The following PRKCE variants were observed in gnomAD, a reference collection of about 807,000 sequenced individuals.
The protein encoded by PRKCE is protein kinase C epsilon.
Under a neutral mutation model 85.4 loss-of-function variants are expected in PRKCE, and 16 were observed. The ratio of observed to expected loss-of-function variants is 0.19; its 90% CI spans 0.13 to 0.28. PRKCE has a LOEUF of 0.28. PRKCE is among the 10% of genes least tolerant of loss of function. PRKCE has a pLI of 1.00. For missense variants in PRKCE, 573 were observed against 975.2 expected, an observed-to-expected ratio of 0.59 and a Z score of 5.49; for synonymous variants, 388 against 371.5, an observed-to-expected ratio of 1.04 and a Z score of -0.51.
At chr2:46,043,319 G>A (rs530246158) in intron 10 of PRKCE, among the ~76,000 whole-genome samples, 7 of 152,146 alleles carry the variant, frequency 4.6e-5, no homozygotes, top group South Asian at 4.1e-4. Flanking sequence ...CTCAGAGCTC[G>A]TTTGGACTTC....
chr2:46,018,469 C>CA (rs959015502), intron 10 of PRKCE, among the ~76,000 whole-genome samples: 37 of 150,098 alleles, frequency 2.5e-4, no homozygotes, highest in African/African-American at 7.6e-4. Flanking sequence ...AACTCCATCT[C>CA]AAAAAAAAAA....
Position 46,010,477 on chromosome 2 carries a change from AC to A in PRKCE, c.1400del (p.Pro467ArgfsTer23). 6.3e-7 allele frequency: 1 copy of A among 1,599,644 alleles called. No homozygotes were observed. The highest frequency in any genetic ancestry group is 8.5e-7 in the Non-Finnish European group (1 of 1,179,928). On this transcript the variant is annotated frameshift_variant, in exon 10 of 15. Coordinates refer to ENST00000306156, the MANE Select transcript of PRKCE (RefSeq NM_005400.3). LOFTEE classifies it high-confidence loss of function. ...EKRILALARK[H>X]PYLTQLYCCF... ...AGGATTTTGGCTCTGGCACGGAAACACCCGTACCTTACCCAACTCTACTGCT... is the reference window on the plus strand; with the variant it reads ...AGGATTTTGGCTCTGGCACGGAAACACCGTACCTTACCCAACTCTACTGCT...
intron 10 of PRKCE, among the ~76,000 whole-genome samples, chr2:46,062,508 A>C (rs1276696455): frequency 6.6e-6 from 1 of 152,098 alleles, no homozygotes; most frequent in Non-Finnish European, 1.5e-5. Flanking sequence ...ACAAACTATG[A>C]AGACTAATAG....
At chr2:46,109,626 A>G (rs561730338) in intron 11 of PRKCE, among the ~76,000 whole-genome samples, 10 of 152,296 alleles carry the variant, frequency 6.6e-5, no homozygotes, top group African/African-American at 2.4e-4. Flanking sequence ...TTTTCTACAT[A>G]GACAATTATG....
intron 1 of PRKCE, chr2:45,700,511 A>G (rs1678546066): frequency 6.6e-6 from 1 of 152,094 alleles, no homozygotes; most frequent in Non-Finnish European, 1.5e-5. Context: ...CGGCACTGTC[A>G]TTCTTTGATG....
intron 10 of PRKCE, among the ~76,000 whole-genome samples, chr2:46,042,295 C>A (rs940357869): frequency 1.3e-5 from 2 of 152,210 alleles, no homozygotes; most frequent in African/African-American, 2.4e-5. Context: ...TTTCCCCCAG[C>A]GTCCTAGTCT....
At chr2:46,100,682 A>G (rs1422698252) in intron 11 of PRKCE, among the ~76,000 whole-genome samples, 1 of 152,266 alleles carries the variant, frequency 6.6e-6, no homozygotes, top group Non-Finnish European at 1.5e-5. Context: ...TAAGAAAAAT[A>G]TCTGTTGTTT....
intron 1 of PRKCE, among the ~76,000 whole-genome samples, chr2:45,829,408 G>T (rs1354284491): frequency 6.6e-6 from 1 of 152,120 alleles, no homozygotes; most frequent in Non-Finnish European, 1.5e-5. Flanking sequence ...TGGGGTTTTT[G>T]TTTGGGTTTG....
intron 10 of PRKCE, among the ~76,000 whole-genome samples, chr2:46,026,104 C>G (rs1485943498): frequency 6.6e-6 from 1 of 152,218 alleles, no homozygotes; most frequent in Non-Finnish European, 1.5e-5. Flanking sequence ...ATTTTCAAAT[C>G]TTGAAGACAC....
chr2:45,796,200 G>T (rs545915171), intron 1 of PRKCE, among the ~76,000 whole-genome samples: 1 of 152,122 alleles, frequency 6.6e-6, no homozygotes, highest in Non-Finnish European at 1.5e-5. Flanking sequence ...CTTATTCTAG[G>T]CTGACAAAAT....
intron 1 of PRKCE, among the ~76,000 whole-genome samples, chr2:45,681,307 AAAAAAAAAAAAG>A (rs1260380560): frequency 6.6e-6 from 1 of 150,622 alleles, no homozygotes; most frequent in Non-Finnish European, 1.5e-5. Context: ...AAAAAAAAAA[AAAAAAAAAAAAG>A]GCATAGCATT....
At chr2:45,804,595 C>T (rs370413446) in intron 1 of PRKCE, among the ~76,000 whole-genome samples, 58 of 152,328 alleles carry the variant, frequency 3.8e-4, no homozygotes, top group African/African-American at 1.3e-3. Flanking sequence ...AGAAAGCACT[C>T]TGCTGCCTGG....
rs1386030673 is a variant in PRKCE at position 45,677,404 on chromosome 2, C to T, written c.348+24956C>T. Among the ~76,000 whole-genome samples, 10 of 141,976 alleles carry T rather than the reference C, an allele frequency of 7.0e-5. No individual in the cohort carries two copies. In the Admixed American group the frequency reaches 7.6e-4, roughly 11 times the overall value. 93.1% of individuals were successfully genotyped at this position (141,976 alleles called of 152,430 possible). ...TCGCTCTGTCGCCCAGGCCGGACTGCGGACTGCAGTGGCGCAATCTCAGCT... is the reference window on the plus strand; with the variant it reads ...TCGCTCTGTCGCCCAGGCCGGACTGTGGACTGCAGTGGCGCAATCTCAGCT... On this transcript the variant is annotated intron_variant, in intron 1 of 14. Coordinates refer to ENST00000306156, the MANE Select transcript of PRKCE (RefSeq NM_005400.3).
intron 1 of PRKCE, among the ~76,000 whole-genome samples, chr2:45,709,950 C>T (rs1484000838): frequency 1.3e-5 from 2 of 152,212 alleles, no homozygotes. Context: ...GCTGGGATTA[C>T]AGGCACATGC....
chr2:46,107,064 C>T (rs147647434), intron 11 of PRKCE, among the ~76,000 whole-genome samples: 1 of 152,298 alleles, frequency 6.6e-6, no homozygotes, highest in African/African-American at 2.4e-5. Context: ...TGGGTTTTAA[C>T]AAATGCATAG....
At chr2:46,128,294 G>A (rs369231750) in intron 11 of PRKCE, among the ~76,000 whole-genome samples, 2 of 152,172 alleles carry the variant, frequency 1.3e-5, no homozygotes, top group East Asian at 1.9e-4. Flanking sequence ...GTGAGAAAGG[G>A]GTAATGAACT....
In PRKCE at chr2:45,766,840, G is replaced by A. The variant is rs1684952319; in HGVS notation, c.349-76160G>A. 2.6e-5 allele frequency among the ~76,000 whole-genome samples: 4 copies of A among 152,188 alleles called. No individual in the cohort carries two copies. The South Asian group carries it at 8.3e-4, about 32-fold the overall frequency. On this transcript the variant is annotated intron_variant, in intron 1 of 14. Coordinates refer to ENST00000306156, the MANE Select transcript of PRKCE (RefSeq NM_005400.3). The stretch of plus-strand genomic sequence containing the variant: ...GGATTGCCTGAGCTCAGGGGTTCGA[G>A]ACCAGCCTGGGCAACACGGTGAAAC...
intron 2 of PRKCE, among the ~76,000 whole-genome samples, chr2:45,853,620 G>A (rs1382844789): frequency 2.0e-5 from 3 of 152,144 alleles, no homozygotes; most frequent in Non-Finnish European, 4.4e-5. Context: ...TAGGTGCTGC[G>A]TACACAGTAG....
intron 13 of PRKCE, among the ~76,000 whole-genome samples, chr2:46,153,781 CTTTTTTTTTTT>C (rs70937993): frequency 1.3e-5 from 1 of 75,964 alleles, no homozygotes; most frequent in Non-Finnish European, 2.6e-5. Flanking sequence ...TCTTCTTCTT[CTTTTTTTTTTT>C]TTTTTTTTTT....
Sources: gnomAD v4.1 joint callset for allele counts (sites outside exome capture counted in the v4.1 genomes callset) on GRCh38, gnomAD v4.1.1 for gene constraint, MANE v1.5 for transcripts, NCBI Gene and HGNC (gene_info 2026-07-23, HGNC 2026-07-21) for gene names.